Variants in ADGRB3 observed in about 807,000 individuals in gnomAD.
ADGRB3 encodes the protein adhesion G protein-coupled receptor B3, also known as brain-specific angiogenesis inhibitor 3.
Under a neutral mutation model 193.4 loss-of-function variants are expected in ADGRB3, and 37 were observed. That is an observed-to-expected ratio of 0.19 (90% CI 0.15 to 0.25). The LOEUF (loss-of-function observed/expected upper bound fraction) is 0.25. Among genes scored for constraint, ADGRB3 ranks in the 10% least tolerant of loss-of-function variants. The pLI, the probability that ADGRB3 is intolerant of heterozygous loss-of-function variation, is 1.00. For missense variants in ADGRB3, 1,637 were observed against 1,852.9 expected, an observed-to-expected ratio of 0.88 and a Z score of 2.14; for synonymous variants, 690 against 644.2, an observed-to-expected ratio of 1.07 and a Z score of -1.08.
chr6:68,827,671 G>T (rs1582234451), intron 3 of ADGRB3, among the ~76,000 whole-genome samples: 2 of 151,928 alleles, frequency 1.3e-5, no homozygotes, highest in Admixed American at 1.3e-4. Flanking sequence ...TTTTTTGGGG[G>T]GGAGGGGGTT....
At chr6:68,677,536 T>C (rs1769126390) in intron 3 of ADGRB3, among the ~76,000 whole-genome samples, 1 of 149,762 alleles carries the variant, frequency 6.7e-6, no homozygotes, top group Non-Finnish European at 1.5e-5. Flanking sequence ...TTTTTTTTTT[T>C]TTGACAGGTC....
chr6:69,096,220 G>A (rs912016489), intron 17 of ADGRB3, among the ~76,000 whole-genome samples: 1 of 152,004 alleles, frequency 6.6e-6, no homozygotes, highest in African/African-American at 2.4e-5. Context: ...TATATTCAAA[G>A]GTTTAAAATT....
Position 68,639,125 on chromosome 6 carries a change from A to G in ADGRB3, c.450A>G (p.Lys150=). The G allele has an allele frequency of 1.2e-6, 2 of 1,614,176 alleles. No homozygotes were observed. The highest frequency in any genetic ancestry group is 1.1e-5 in the South Asian group (1 of 91,086). Residue 150 remains lysine, a synonymous_variant, in exon 3 of 32, where the codon AAA becomes AAG. Transcript: ENST00000370598. ...AGAAAAAAGGGGAAGAAGATCAGAA[A>G]TCTTTTTTTGAGTTTTTGGTATTGA... ...GLQKKGEEDQ[K]SFFEFLVLNK...
intron 3 of ADGRB3, among the ~76,000 whole-genome samples, chr6:68,640,161 T>C (rs1196856575): frequency 6.6e-6 from 1 of 152,094 alleles, no homozygotes; most frequent in Non-Finnish European, 1.5e-5. Flanking sequence ...TGAAAACACA[T>C]AGTGATCCTT....
Position 69,012,673 on chromosome 6 carries a change from C to T in ADGRB3, c.1930-1365C>T, listed in dbSNP as rs531025769. ...CTTTTATAGAGGTTATGACTCAAAC[C>T]GTGTTTCAACCATGTGATTGCCAGG... On this transcript the variant is annotated intron_variant, in intron 11 of 31. Coordinates refer to ENST00000370598, the MANE Select transcript of ADGRB3 (RefSeq NM_001704.3). 1.4e-3 allele frequency among the ~76,000 whole-genome samples: 215 copies of T among 151,996 alleles called. 2 individuals are homozygous for T. Among genetic ancestry groups the T allele is most frequent in the Non-Finnish European group, 2.5e-3 (173 of 67,988 alleles).
intron 17 of ADGRB3, among the ~76,000 whole-genome samples, chr6:69,087,160 C>A (rs1179000443): frequency 6.6e-6 from 1 of 152,078 alleles, no homozygotes; most frequent in Admixed American, 6.6e-5. Flanking sequence ...GTATCTGGTA[C>A]CTACAAAAGG....
At chr6:68,665,982 G>C (rs1768790510) in intron 3 of ADGRB3, among the ~76,000 whole-genome samples, 1 of 151,544 alleles carries the variant, frequency 6.6e-6, no homozygotes, top group Admixed American at 6.6e-5. Flanking sequence ...CATAATATTT[G>C]GTTTTATATA....
intron 17 of ADGRB3, among the ~76,000 whole-genome samples, chr6:69,113,188 T>C (rs975378414): frequency 1.1e-4 from 16 of 152,088 alleles, no homozygotes; most frequent in African/African-American, 3.6e-4. Context: ...CCCCTACAGA[T>C]GCCGAGGAAT....
At chr6:68,839,710 T>C (rs1768114401) in intron 3 of ADGRB3, among the ~76,000 whole-genome samples, 1 of 152,180 alleles carries the variant, frequency 6.6e-6, no homozygotes, top group East Asian at 1.9e-4. Flanking sequence ...AACACCTATT[T>C]ACACAAAAAA....
At chr6:69,352,329 A>G (rs1227630799) in intron 26 of ADGRB3, among the ~76,000 whole-genome samples, 1 of 152,236 alleles carries the variant, frequency 6.6e-6, no homozygotes, top group Non-Finnish European at 1.5e-5. Flanking sequence ...TAGATTATTT[A>G]GTTATAAATA....
intron 17 of ADGRB3, among the ~76,000 whole-genome samples, chr6:69,136,480 T>A (rs1774152382): frequency 1.3e-5 from 2 of 152,160 alleles, no homozygotes; most frequent in South Asian, 4.1e-4. Context: ...GAAACATACA[T>A]CCTACTACAC....
intron 15 of ADGRB3, among the ~76,000 whole-genome samples, chr6:69,053,307 A>T (rs1048457233): frequency 6.6e-6 from 1 of 152,222 alleles, no homozygotes; most frequent in African/African-American, 2.4e-5. Flanking sequence ...TGACCTGCCT[A>T]AGATTATATG....
intron 16 of ADGRB3, among the ~76,000 whole-genome samples, chr6:69,063,262 C>T (rs1771803167): frequency 6.6e-6 from 1 of 151,664 alleles, no homozygotes; most frequent in African/African-American, 2.4e-5. Flanking sequence ...TATAAAGAAA[C>T]AAAGAATGGT....
At chr6:69,186,310 G>T (rs1030784966) in intron 17 of ADGRB3, among the ~76,000 whole-genome samples, 8 of 151,904 alleles carry the variant, frequency 5.3e-5, no homozygotes, top group Non-Finnish European at 1.2e-4. Context: ...AAGAGTAATA[G>T]ATCTAAATGC....
intron 3 of ADGRB3, among the ~76,000 whole-genome samples, chr6:68,687,886 G>A (rs1765011265): frequency 6.6e-6 from 1 of 152,248 alleles, no homozygotes; most frequent in South Asian, 2.1e-4. Flanking sequence ...TTTCTCCAGT[G>A]TTAGTATGCA....
intron 13 of ADGRB3, among the ~76,000 whole-genome samples, chr6:69,044,062 AAAAC>A (rs1199832950): frequency 2.4e-4 from 36 of 152,142 alleles, no homozygotes; most frequent in African/African-American, 8.2e-4. Context: ...AACAAAAACA[AAAAC>A]AAAGCAGCAG....
chr6:69,368,837 C>G (rs1206357470), intron 29 of ADGRB3, among the ~76,000 whole-genome samples: 1 of 151,984 alleles, frequency 6.6e-6, no homozygotes, highest in Non-Finnish European at 1.5e-5. Context: ...CAGAGACTGT[C>G]AGCAAGAGGA....
At chr6:69,202,358 G>C (rs1282746354) in intron 17 of ADGRB3, among the ~76,000 whole-genome samples, 1 of 152,034 alleles carries the variant, frequency 6.6e-6, no homozygotes, top group African/African-American at 2.4e-5. Context: ...GATCCTGACT[G>C]TCTTTCCTCT....
rs1483842845 is a variant in ADGRB3, at chr6:68,939,960, T to A, written c.1030+3280T>A. Among the ~76,000 whole-genome samples the A allele has an allele frequency of 2.0e-5, 3 of 152,294 alleles. No homozygotes were observed. The East Asian group carries it at 5.8e-4, about 29-fold the overall frequency. On this transcript the variant is annotated intron_variant, in intron 5 of 31. Coordinates refer to ENST00000370598, the MANE Select transcript of ADGRB3 (RefSeq NM_001704.3). ...CCACAAAATGTGTGGAGTTATAGAA[T>A]TAGAAGTTATATTTATTTGTACTAT...
Sources: allele counts gnomAD v4.1 joint callset (sites outside exome capture counted in the v4.1 genomes callset), GRCh38; gene constraint gnomAD v4.1.1; transcripts MANE v1.5; gene names NCBI Gene and HGNC (gene_info 2026-07-23, HGNC 2026-07-21).